Variants in TOX2 observed in about 807,000 individuals in gnomAD.
TOX2 encodes the protein granulosa cell HMG box 1.
TOX2 carries 15 observed loss-of-function variants against 47.4 expected under a neutral mutation model. The ratio of observed to expected loss-of-function variants is 0.32; its 90% CI spans 0.21 to 0.49. TOX2 has a LOEUF of 0.49. TOX2 is among the 20% of genes least tolerant of loss of function. The pLI, the probability that TOX2 is intolerant of heterozygous loss-of-function variation, is 0.99. For synonymous variants in TOX2, 290 were observed against 296.6 expected (o/e 0.98, Z 0.23); for missense variants, 622 against 673.1 (o/e 0.92, Z 0.84).
At position 43,961,709 on chromosome 20, in the gene TOX2, T is replaced by C. The variant is rs115665843; in HGVS notation, c.100-11658T>C. On this transcript the variant is annotated intron_variant, in intron 1 of 8. Coordinates refer to ENST00000341197, the MANE Select transcript of TOX2 (RefSeq NM_001098797.2). ...CCTTCTGAGCCAGACTGTGGGTCCC[T>C]ACCTTCCCTCCTGTCACTGGAGAGG... 6.2e-3 allele frequency among the ~76,000 whole-genome samples: 943 copies of C among 152,254 alleles called. 10 individuals are homozygous for C. The highest frequency in any genetic ancestry group is 0.022 in the African/African-American group (915 of 41,538).
intron 1 of TOX2, among the ~76,000 whole-genome samples, chr20:43,918,647 C>T (rs971630027): frequency 1.2e-4 from 19 of 152,158 alleles, no homozygotes; most frequent in East Asian, 7.7e-4. Context: ...CATTCATCCA[C>T]GATGTTGTAT....
intron 1 of TOX2, among the ~76,000 whole-genome samples, chr20:43,937,095 G>A (rs1260327501): frequency 6.6e-6 from 1 of 152,158 alleles, no homozygotes; most frequent in Non-Finnish European, 1.5e-5. Flanking sequence ...ACACAGGGCC[G>A]GGAGACCAGG....
chr20:44,001,204 T>A (rs1398058500), intron 2 of TOX2, among the ~76,000 whole-genome samples: 1 of 152,096 alleles, frequency 6.6e-6, no homozygotes, highest in Non-Finnish European at 1.5e-5. Flanking sequence ...TGTAGGAAAA[T>A]GCTGGGTTTG....
intron 2 of TOX2, among the ~76,000 whole-genome samples, chr20:43,988,782 G>C (rs935598442): frequency 7.2e-5 from 11 of 152,146 alleles, no homozygotes; most frequent in African/African-American, 2.7e-4. Flanking sequence ...CTTATTCACA[G>C]GTGTAGGCAC....
chr20:44,045,327 C>G (rs2071395957), intron 3 of TOX2, among the ~76,000 whole-genome samples: 1 of 140,248 alleles, frequency 7.1e-6, no homozygotes, highest in Non-Finnish European at 1.6e-5. Context: ...ATTAATGTCA[C>G]CTTTCTAGAG....
intron 3 of TOX2, among the ~76,000 whole-genome samples, chr20:44,022,131 C>T (rs1051530360): frequency 6.6e-6 from 1 of 152,232 alleles, no homozygotes; most frequent in African/African-American, 2.4e-5. Flanking sequence ...CCTTCGGGAA[C>T]AGCCCCTTAA....
chr20:44,019,113 AAATGAATGAATG>A (rs564796604), intron 3 of TOX2, among the ~76,000 whole-genome samples: 1 of 148,396 alleles, frequency 6.7e-6, no homozygotes, highest in Non-Finnish European at 1.5e-5. Flanking sequence ...ACTGACTGAA[AAATGAATGAATG>A]AATGAATGAA....
intron 2 of TOX2, among the ~76,000 whole-genome samples, chr20:43,994,591 A>G (rs186318846): frequency 7.2e-5 from 11 of 152,032 alleles, no homozygotes; most frequent in African/African-American, 2.4e-4. Flanking sequence ...CAGCCTTGCG[A>G]CTTTTGCTAC....
rs1250807269 is a variant in TOX2 at position 44,017,485 on chromosome 20, C to G, written c.411+10693C>G. 3.9e-5 allele frequency among the ~76,000 whole-genome samples: 6 copies of G among 152,222 alleles called. No homozygotes were observed. In the South Asian group the frequency reaches 1.0e-3, roughly 26 times the overall value. The stretch of plus-strand genomic sequence containing the variant: ...GTGGGCAGCTCAGTGACATGTGGAG[C>G]ATCCCCAAGAACATCACGATGGCCA... On this transcript the variant is annotated intron_variant, in intron 3 of 8. Transcript: ENST00000341197.
chr20:43,975,716 T>C (rs1328217634), intron 2 of TOX2, among the ~76,000 whole-genome samples: 2 of 152,158 alleles, frequency 1.3e-5, no homozygotes, highest in African/African-American at 4.8e-5. Context: ...CAAAAATTCA[T>C]AATTTTTGTC....
Position 44,051,408 on chromosome 20 carries a change from A to G in TOX2, c.514A>G (p.Ser172Gly), listed in dbSNP as rs766278062. 1.2e-6 allele frequency: 2 copies of G among 1,614,096 alleles called. No individual in the cohort carries two copies. Among genetic ancestry groups the G allele is most frequent in the Non-Finnish European group, 1.7e-6 (2 of 1,179,988 alleles). Residue 172 changes from serine (S) to glycine (G), a missense_variant, in exon 4 of 9, where the codon AGC becomes GGC. This residue lies in a region of TOX2 where 307 missense variants were observed against 327.3 expected (regional missense o/e 0.94). Coordinates refer to ENST00000341197, the MANE Select transcript of TOX2 (RefSeq NM_001098797.2). ...GCTGGCCAGCCACATGAGTGCCCTC[A>G]GCCAGTCCCAGCTCATCTCGCAGAT... The part of the protein sequence containing the change: ...AMLASHMSAL[S>G]QSQLISQMGI...
chr20:43,927,147 T>C (rs949980905), intron 1 of TOX2, among the ~76,000 whole-genome samples: 13 of 152,210 alleles, frequency 8.5e-5, no homozygotes, highest in African/African-American at 3.1e-4. Flanking sequence ...CAGATATTTA[T>C]AACTTATTTA....
At chr20:44,020,677 C>G (rs1406172818) in intron 3 of TOX2, among the ~76,000 whole-genome samples, 1 of 152,114 alleles carries the variant, frequency 6.6e-6, no homozygotes, top group Admixed American at 6.5e-5. Flanking sequence ...TCAGGCCCCT[C>G]CCTAGACCTG....
chr20:44,042,199 G>A (rs769487081), intron 3 of TOX2, among the ~76,000 whole-genome samples: 5 of 152,184 alleles, frequency 3.3e-5, no homozygotes, highest in Non-Finnish European at 7.3e-5. Context: ...GGGAACTCCC[G>A]TTTATAAAAC....
At chr20:44,046,913 T>C (rs2071417841) in intron 3 of TOX2, among the ~76,000 whole-genome samples, 1 of 152,154 alleles carries the variant, frequency 6.6e-6, no homozygotes. Flanking sequence ...CCTAAAAGTT[T>C]TTAAAAAGGA....
rs188870921 is a variant in TOX2, at chr20:43,945,808, G to T, written c.100-27559G>T. The T allele has an allele frequency of 5.8e-5, 86 of 1,481,526 alleles. 1 individual carries two copies. The South Asian group carries it at 7.1e-4, about 12-fold the overall frequency. 91.8% of individuals were successfully genotyped at this position (1,481,526 alleles called of 1,614,324 possible). A position where few individuals can be genotyped will look rare whatever the true frequency, so the allele number is the denominator to read the frequency against. On this transcript the variant is annotated intron_variant, in intron 1 of 8. Coordinates refer to ENST00000341197, the MANE Select transcript of TOX2 (RefSeq NM_001098797.2). Reference sequence around the variant, plus strand: ...CCATTTCACCTTATACGAATGGGATGGGGGGTGGGGGTGCTGGGCCTCCAG... The same window carrying T: ...CCATTTCACCTTATACGAATGGGATTGGGGGTGGGGGTGCTGGGCCTCCAG...
chr20:43,949,394 G>A (rs554216191), intron 1 of TOX2, among the ~76,000 whole-genome samples: 1 of 152,294 alleles, frequency 6.6e-6, no homozygotes, highest in South Asian at 2.1e-4. Context: ...AGCAGCCAGT[G>A]GGATCTCTGA....
At chr20:43,970,745 C>T (rs370642388) in intron 1 of TOX2, among the ~76,000 whole-genome samples, 43 of 152,210 alleles carry the variant, frequency 2.8e-4, no homozygotes, top group African/African-American at 1.0e-3. Context: ...ATAGCCCCAT[C>T]CCTAATGCCA....
Position 44,069,476 on chromosome 20 carries a change from G to A in TOX2, c.*790G>A, listed in dbSNP as rs1369663723. 1.3e-5 allele frequency: 2 copies of A among 153,068 alleles called. No homozygotes were observed. Among genetic ancestry groups the A allele is most frequent in the Non-Finnish European group, 2.9e-5 (2 of 68,358 alleles). 9.5% of individuals were successfully genotyped at this position (153,068 alleles called of 1,614,324 possible). On this transcript the variant is annotated 3_prime_UTR_variant, in exon 9 of 9. Coordinates refer to ENST00000341197, the MANE Select transcript of TOX2 (RefSeq NM_001098797.2). ...GAACGAAGTTACAGCTTATCCTACCGTGTGTGTGGTTTTGGGGTTTCGTTT... is the reference window on the plus strand; with the variant it reads ...GAACGAAGTTACAGCTTATCCTACCATGTGTGTGGTTTTGGGGTTTCGTTT...
Sources: allele counts gnomAD v4.1 joint callset (sites outside exome capture counted in the v4.1 genomes callset), GRCh38; gene constraint gnomAD v4.1.1; regional missense constraint gnomAD v4.1.1; transcripts MANE v1.5; gene names NCBI Gene and HGNC (gene_info 2026-07-23, HGNC 2026-07-21).